Variants in MYRIP observed in about 807,000 individuals in gnomAD.
The protein encoded by MYRIP is rab effector MyRIP.
Under a neutral mutation model 98.0 loss-of-function variants are expected in MYRIP, and 49 were observed. The observed-to-expected ratio is 0.50, with a 90% confidence interval of 0.40 to 0.63. MYRIP has a LOEUF of 0.63. Ranked by LOEUF, MYRIP falls within the 30% of genes least tolerant of loss-of-function variation. The probability of loss-of-function intolerance (pLI) is 0.00; values close to 1 mark genes in which losing one functional copy is unlikely to be tolerated. For missense variants in MYRIP, 1,004 were observed against 1,058.2 expected, an observed-to-expected ratio of 0.95 and a Z score of 0.71; for synonymous variants, 404 against 409.5, an observed-to-expected ratio of 0.99 and a Z score of 0.16.
At position 40,211,279 on chromosome 3, in the gene MYRIP, T is replaced by C. The variant is rs142328598; in HGVS notation, c.1905+1186T>C. On this transcript the variant is annotated intron_variant, in intron 11 of 16. Coordinates refer to ENST00000302541, the MANE Select transcript of MYRIP (RefSeq NM_015460.4). ...TGTTTTCTGTGTCCCAAGTATATAC[T>C]GTGTAAACTAAGAAGTTGCTGGTAA... is the stretch of plus-strand genomic sequence containing the variant. 9.5e-3 allele frequency among the ~76,000 whole-genome samples: 1,452 copies of C among 152,302 alleles called. 27 individuals are homozygous for C. The highest frequency in any genetic ancestry group is 0.031 in the African/African-American group (1,300 of 41,562).
chr3:40,050,406 T>C (rs1214397834), intron 3 of MYRIP, among the ~76,000 whole-genome samples: 1 of 152,026 alleles, frequency 6.6e-6, no homozygotes, highest in Non-Finnish European at 1.5e-5. Flanking sequence ...ATAGTGCATA[T>C]GTTTACAGCA....
intron 2 of MYRIP, among the ~76,000 whole-genome samples, chr3:39,919,405 C>G (rs995143379): frequency 8.5e-5 from 13 of 152,210 alleles, no homozygotes; most frequent in African/African-American, 3.1e-4. Flanking sequence ...TGCAGTATCT[C>G]TAAGTGCTGA....
chr3:40,079,028 G>C (rs1268548183), intron 3 of MYRIP, among the ~76,000 whole-genome samples: 1 of 152,186 alleles, frequency 6.6e-6, no homozygotes, highest in Non-Finnish European at 1.5e-5. Context: ...CAAGTAACGT[G>C]ATGGATGTTA....
At chr3:40,054,302 G>A (rs1045100466) in intron 3 of MYRIP, among the ~76,000 whole-genome samples, 16 of 152,046 alleles carry the variant, frequency 1.1e-4, no homozygotes, top group African/African-American at 3.6e-4. Flanking sequence ...AGTTTGACAG[G>A]CTTTTTATTA....
chr3:40,229,901 C>T (rs1205317736), intron 11 of MYRIP, among the ~76,000 whole-genome samples: 2 of 152,184 alleles, frequency 1.3e-5, no homozygotes, highest in Non-Finnish European at 2.9e-5. Context: ...AAGTTCAACA[C>T]ATGCTACCTG....
intron 3 of MYRIP, among the ~76,000 whole-genome samples, chr3:40,058,355 TAAA>T (rs959873348): frequency 1.4e-4 from 21 of 152,100 alleles, no homozygotes; most frequent in African/African-American, 4.8e-4. Context: ...CCCTAGAAAC[TAAA>T]AAATATGTGT....
chr3:40,185,789 T>C (rs1372383808), intron 9 of MYRIP, among the ~76,000 whole-genome samples: 1 of 152,098 alleles, frequency 6.6e-6, no homozygotes, highest in South Asian at 2.1e-4. Context: ...CTGAGTGGCA[T>C]TATCAAGGGT....
At chr3:40,121,292 G>A (rs540967968) in intron 3 of MYRIP, among the ~76,000 whole-genome samples, 89 of 152,148 alleles carry the variant, frequency 5.8e-4, no homozygotes, top group Non-Finnish European at 1.2e-3. Flanking sequence ...ATCTATCTTG[G>A]GTAATAAAGT....
intron 3 of MYRIP, among the ~76,000 whole-genome samples, chr3:40,118,658 T>C (rs1397128753): frequency 2.0e-5 from 3 of 151,918 alleles, no homozygotes; most frequent in African/African-American, 7.3e-5. Flanking sequence ...AACATGCAGG[T>C]TTGTTACGTA....
intron 1 of MYRIP, among the ~76,000 whole-genome samples, chr3:39,862,201 G>T (rs1332573487): frequency 2.0e-5 from 3 of 152,122 alleles, no homozygotes; most frequent in African/African-American, 7.2e-5. Context: ...ATTCTTAAAA[G>T]AAATTCCAAA....
At chr3:40,106,097 A>C (rs1191076000) in intron 3 of MYRIP, among the ~76,000 whole-genome samples, 4 of 152,168 alleles carry the variant, frequency 2.6e-5, no homozygotes, top group Admixed American at 1.3e-4. Context: ...GTGGGGACAC[A>C]TATCCAAAGC....
At chr3:39,956,888 AT>A (rs1479337195) in intron 2 of MYRIP, among the ~76,000 whole-genome samples, 1 of 151,882 alleles carries the variant, frequency 6.6e-6, no homozygotes. Flanking sequence ...CCATCAGAGA[AT>A]ACTATAAACA....
chr3:40,243,733 C>A (rs1218345359), intron 12 of MYRIP, among the ~76,000 whole-genome samples: 2 of 152,148 alleles, frequency 1.3e-5, no homozygotes, highest in African/African-American at 4.8e-5. Flanking sequence ...AAGGATTTCA[C>A]CTTGCTCACT....
At chr3:40,106,747 CTAT>C (rs1229787391) in intron 3 of MYRIP, among the ~76,000 whole-genome samples, 1 of 151,830 alleles carries the variant, frequency 6.6e-6, no homozygotes, top group African/African-American at 2.4e-5. Context: ...GTTATTCAGC[CTAT>C]TATATTTTAA....
At chr3:40,157,002 A>T (rs1224822309) in intron 4 of MYRIP, among the ~76,000 whole-genome samples, 1 of 151,928 alleles carries the variant, frequency 6.6e-6, no homozygotes, top group Admixed American at 6.6e-5. Flanking sequence ...CTCCTGGCTA[A>T]TTGCTCTGGC....
rs189791084 is a variant in MYRIP at position 40,142,891 on chromosome 3, C to T, written c.333-8157C>T. On this transcript the variant is annotated intron_variant, in intron 3 of 16. Coordinates refer to ENST00000302541, the MANE Select transcript of MYRIP (RefSeq NM_015460.4). Reference sequence around the variant, plus strand: ...CTCTCTTTCTTCCTAAGCCACCTCTCGTACACACCTACTGAGGCTTAGAAG... The same window carrying T: ...CTCTCTTTCTTCCTAAGCCACCTCTTGTACACACCTACTGAGGCTTAGAAG... 2.2e-4 allele frequency among the ~76,000 whole-genome samples: 34 copies of T among 152,348 alleles called. No homozygotes were observed. In the East Asian group the frequency reaches 5.8e-3, roughly 26 times the overall value.
intron 3 of MYRIP, among the ~76,000 whole-genome samples, chr3:40,120,575 A>G (rs1949381868): frequency 6.6e-6 from 1 of 152,162 alleles, no homozygotes; most frequent in South Asian, 2.1e-4. Context: ...TGGAGGTGAG[A>G]TGCAGAAAGA....
At chr3:39,889,079 TG>T (rs1334197851) in intron 1 of MYRIP, among the ~76,000 whole-genome samples, 40 of 152,098 alleles carry the variant, frequency 2.6e-4, no homozygotes, top group Non-Finnish European at 1.5e-5. Flanking sequence ...ACACTGTTGG[TG>T]GGACTGTAAA....
chr3:39,832,729 T>G (rs1196154110), intron 1 of MYRIP, among the ~76,000 whole-genome samples: 1 of 152,210 alleles, frequency 6.6e-6, no homozygotes, highest in African/African-American at 2.4e-5. Context: ...GTAAGATGAT[T>G]GAGCAGTAGG....
Sources: allele counts gnomAD v4.1 joint callset (sites outside exome capture counted in the v4.1 genomes callset), GRCh38; gene constraint gnomAD v4.1.1; transcripts MANE v1.5; gene names NCBI Gene and HGNC (gene_info 2026-07-23, HGNC 2026-07-21).